Variants in HSD17B6 observed in about 807,000 individuals in gnomAD.
The protein encoded by HSD17B6 is hydroxysteroid 17-beta dehydrogenase 6, also known as 17-beta-hydroxysteroid dehydrogenase type 6.
A neutral mutation model predicts 26.4 loss-of-function variants in HSD17B6; 16 were observed. That is an observed-to-expected ratio of 0.61 (90% CI 0.41 to 0.92). The LOEUF (loss-of-function observed/expected upper bound fraction) is 0.92, where lower values mean the gene tolerates loss of function less well. Among genes scored for constraint, HSD17B6 ranks in the 40% least tolerant of loss-of-function variants. The pLI is 0.00. For synonymous variants in HSD17B6, 139 were observed against 153.0 expected, an observed-to-expected ratio of 0.91 and a Z score of 0.68; for missense variants, 357 against 386.1, an observed-to-expected ratio of 0.92 and a Z score of 0.63.
rs59227954 is a variant in HSD17B6 at position 56,780,840 on chromosome 12, C to CAAA, written c.314-1112_314-1110dup. Among the ~76,000 whole-genome samples, 42 of 63,900 alleles carry CAAA rather than the reference C, an allele frequency of 6.6e-4. 1 individual carries two copies. Among genetic ancestry groups the CAAA allele is most frequent in the East Asian group, 9.3e-4 (2 of 2,142 alleles). 41.9% of individuals were successfully genotyped at this position (63,900 alleles called of 152,430 possible). A position where few individuals can be genotyped will look rare whatever the true frequency, so the allele number is the denominator to read the frequency against. On this transcript the variant is annotated intron_variant, in intron 2 of 4. Coordinates refer to ENST00000322165, the MANE Select transcript of HSD17B6 (RefSeq NM_003725.4). ...CTCCAGCCTGGGCGAGACTCCGTCT[C>CAAA]AAAAAAAAAAAAAAAAAAAAAAAAT...
chr12:56,770,003 T>C (rs972928613), intron 1 of HSD17B6, among the ~76,000 whole-genome samples: 5 of 152,146 alleles, frequency 3.3e-5, no homozygotes, highest in African/African-American at 1.2e-4. Context: ...TACCTTTTAG[T>C]CAATAAACAG....
intron 4 of HSD17B6, 117 bp downstream of exon 4, chr12:56,785,133 C>T: frequency 1.8e-6 from 2 of 1,099,872 alleles, no homozygotes; most frequent in Non-Finnish European, 1.3e-6. Flanking sequence ...TTAATTGACT[C>T]ACAGTTCTGC....
intron 1 of HSD17B6, among the ~76,000 whole-genome samples, chr12:56,765,225 A>G (rs1954296312): frequency 6.6e-6 from 1 of 151,954 alleles, no homozygotes; most frequent in African/African-American, 2.4e-5. Flanking sequence ...TCACGAGGTC[A>G]GGAGTTTGAG....
chr12:56,784,308 TG>T (rs550446998), intron 3 of HSD17B6, among the ~76,000 whole-genome samples: 5,167 of 152,224 alleles, frequency 0.034, 134 homozygotes, highest in Non-Finnish European at 0.049. Context: ...CTCGGCATTT[TG>T]GGAGGCCAAG....
chr12:56,778,075 G>C (rs1035163028), intron 2 of HSD17B6, among the ~76,000 whole-genome samples: 1 of 152,142 alleles, frequency 6.6e-6, no homozygotes, highest in Non-Finnish European at 1.5e-5. Flanking sequence ...ACCTTGCCTG[G>C]TACATGTTAA....
chr12:56,780,916 A>G (rs1308646507), intron 2 of HSD17B6, among the ~76,000 whole-genome samples: 1 of 151,978 alleles, frequency 6.6e-6, no homozygotes, highest in African/African-American at 2.4e-5. Flanking sequence ...GTCCTGCTGC[A>G]GTCAGTAAAA....
intron 2 of HSD17B6, 96 bp from the exon 3 acceptor site, chr12:56,781,878 T>G (rs1184235828): frequency 7.6e-7 from 1 of 1,314,684 alleles, no homozygotes; most frequent in Non-Finnish European, 1.1e-6. Context: ...GGTTAGTGGT[T>G]ATGATTCCTC....
At chr12:56,783,672 G>A (rs1434601690) in intron 3 of HSD17B6, among the ~76,000 whole-genome samples, 1 of 117,440 alleles carries the variant, frequency 8.5e-6, no homozygotes, top group Non-Finnish European at 1.8e-5. Flanking sequence ...CGGACGGGAC[G>A]GCTGGCCGGG....
chr12:56,778,781 TCTC>T (rs1592368896), intron 2 of HSD17B6, among the ~76,000 whole-genome samples: 2 of 151,592 alleles, frequency 1.3e-5, no homozygotes, highest in African/African-American at 4.9e-5. Flanking sequence ...TTCACGCCAT[TCTC>T]CTGCCTCAGC....
chr12:56,781,928 T>A (rs760414708), intron 2 of HSD17B6, 46 bp from the exon 3 acceptor site: 2 of 1,589,118 alleles, frequency 1.3e-6, no homozygotes, highest in South Asian at 1.2e-5. Flanking sequence ...AAATAGAGTA[T>A]TTTTGCCTGA....
At chr12:56,774,430 G>A (rs552739418) in intron 2 of HSD17B6, among the ~76,000 whole-genome samples, 1 of 152,158 alleles carries the variant, frequency 6.6e-6, no homozygotes, top group Non-Finnish European at 1.5e-5. Flanking sequence ...TAGTTATACT[G>A]TATTGTTTAG....
At chr12:56,766,767 G>T (rs983249281) in intron 1 of HSD17B6, among the ~76,000 whole-genome samples, 4 of 152,164 alleles carry the variant, frequency 2.6e-5, no homozygotes, top group African/African-American at 9.7e-5. Context: ...AGGCATTGAG[G>T]AGTCCTTGCA....
chr12:56,780,385 T>A (rs1954687726), intron 2 of HSD17B6, among the ~76,000 whole-genome samples: 1 of 152,272 alleles, frequency 6.6e-6, no homozygotes, highest in South Asian at 2.1e-4. Flanking sequence ...CAATGTACTT[T>A]ATGTTCTTAG....
chr12:56,766,608 A>G (rs2137893510), intron 1 of HSD17B6, among the ~76,000 whole-genome samples: 1 of 152,278 alleles, frequency 6.6e-6, no homozygotes, highest in East Asian at 1.9e-4. Context: ...TTAGATTTAG[A>G]TTTTCAGTAG....
At chr12:56,781,405 A>T (rs1954711449) in intron 2 of HSD17B6, among the ~76,000 whole-genome samples, 1 of 152,206 alleles carries the variant, frequency 6.6e-6, no homozygotes, top group Non-Finnish European at 1.5e-5. Flanking sequence ...TAAAATTTCA[A>T]TAGTTGTATC....
rs1954895589 is a variant in HSD17B6, at chr12:56,787,206, C to T, written c.818C>T (p.Thr273Ile). ...ACTGACTGCATGGAACATGCTCTGACATCGGTGCATCCGCGAACTCGATAT... is the reference window on the plus strand; with the variant it reads ...ACTGACTGCATGGAACATGCTCTGATATCGGTGCATCCGCGAACTCGATAT... ...LVTDCMEHAL[T>I]SVHPRTRYSA... Residue 273 changes from threonine to isoleucine, a missense_variant, in exon 5 of 5, where the codon ACA becomes ATA. Transcript: ENST00000322165. 6.2e-7 allele frequency: 1 copy of T among 1,614,034 alleles called. No individual in the cohort carries two copies. The highest frequency in any genetic ancestry group is 1.7e-5 in the Admixed American group (1 of 60,012).
chr12:56,766,656 C>T (rs558216691), intron 1 of HSD17B6, among the ~76,000 whole-genome samples: 1 of 152,268 alleles, frequency 6.6e-6, no homozygotes, highest in South Asian at 2.1e-4. Flanking sequence ...GGCAGAGCTG[C>T]GCTTTAGGGA....
intron 2 of HSD17B6, 52 bp downstream of exon 2, chr12:56,774,217 T>A: frequency 6.8e-7 from 1 of 1,479,382 alleles, no homozygotes; most frequent in African/African-American, 1.4e-5. Context: ...GCTAAGGTTA[T>A]ATATACAGTT....
intron 3 of HSD17B6, among the ~76,000 whole-genome samples, chr12:56,783,837 G>A (rs1171531480): frequency 3.3e-5 from 5 of 151,928 alleles, no homozygotes; most frequent in South Asian, 2.1e-4. Flanking sequence ...CCTCCCTCCC[G>A]GAGGGGGTGG....
Sources: allele counts gnomAD v4.1 joint callset (sites outside exome capture counted in the v4.1 genomes callset), GRCh38; gene constraint gnomAD v4.1.1; transcripts MANE v1.5; gene names NCBI Gene and HGNC (gene_info 2026-07-23, HGNC 2026-07-21).